SLC2A1: variants seen among roughly 807,000 people sequenced by gnomAD.
The protein encoded by SLC2A1 is solute carrier family 2 member 1, also known as solute carrier family 2, facilitated glucose transporter member 1.
SLC2A1 carries 4 observed loss-of-function variants against 46.6 expected under a neutral mutation model. The ratio of observed to expected loss-of-function variants is 0.09; its 90% confidence interval spans 0.04 to 0.20. The LOEUF is 0.20. Ranked by LOEUF, SLC2A1 falls within the 10% of genes least tolerant of loss-of-function variation. The pLI, the probability that SLC2A1 is intolerant of heterozygous loss-of-function variation, is 1.00. For synonymous variants in SLC2A1, 253 were observed against 270.0 expected (o/e 0.94, Z 0.62); for missense variants, 352 against 667.0 (o/e 0.53, Z 5.20).
chr1:42,938,799 G>A (rs1570598564), intron 2 of SLC2A1, among the ~76,000 whole-genome samples: 2 of 152,154 alleles, frequency 1.3e-5, no homozygotes, highest in East Asian at 1.9e-4. Flanking sequence ...CTTCAAGGTC[G>A]AGCATGGCTG....
intron 1 of SLC2A1, among the ~76,000 whole-genome samples, chr1:42,957,253 T>G (rs944329497): frequency 1.3e-5 from 2 of 152,208 alleles, no homozygotes; most frequent in African/African-American, 2.4e-5. Flanking sequence ...CCCTTACGGC[T>G]CACCTAAGAT....
chr1:42,926,953 C>A lies in SLC2A1; in HGVS notation c.*88G>T. On this transcript the variant is annotated 3_prime_UTR_variant, in exon 10 of 10. Coordinates refer to ENST00000426263, the MANE Select transcript of SLC2A1 (RefSeq NM_006516.4). Reference sequence around the variant, plus strand: ...CAGGCCCGGCTCGGCTGACATCTGTCAGGTTTGGAAGTCTCATCCAGCTGC... The same window carrying A: ...CAGGCCCGGCTCGGCTGACATCTGTAAGGTTTGGAAGTCTCATCCAGCTGC... 1.3e-6 allele frequency: 2 copies of A among 1,562,576 alleles called. No individual in the cohort carries two copies. The highest frequency in any genetic ancestry group is 1.7e-6 in the Non-Finnish European group (2 of 1,154,308).
chr1:42,931,413 C>T (rs1167714865), intron 2 of SLC2A1, among the ~76,000 whole-genome samples: 1 of 152,140 alleles, frequency 6.6e-6, no homozygotes, highest in Admixed American at 6.5e-5. Flanking sequence ...ATCTGAGAGC[C>T]CCGCCAACTC....
intron 1 of SLC2A1, among the ~76,000 whole-genome samples, chr1:42,948,329 C>A (rs1479140199): frequency 6.6e-6 from 1 of 152,194 alleles, no homozygotes; most frequent in African/African-American, 2.4e-5. Context: ...TGGCCTGCAG[C>A]AGGTTCTCAA....
At chr1:42,944,887 C>T (rs1365745272) in intron 1 of SLC2A1, among the ~76,000 whole-genome samples, 1 of 152,098 alleles carries the variant, frequency 6.6e-6, no homozygotes, top group Non-Finnish European at 1.5e-5. Flanking sequence ...AAGACAGCCC[C>T]CACCCCCCGT....
Position 42,930,594 on chromosome 1 carries a change from G to C in SLC2A1, c.516+32C>G. The C allele has an allele frequency of 1.2e-6, 2 of 1,611,798 alleles. No individual in the cohort carries two copies. Among genetic ancestry groups the C allele is most frequent in the Non-Finnish European group, 1.7e-6 (2 of 1,179,206 alleles). On this transcript the variant is annotated intron_variant, in intron 4 of 9. Transcript: ENST00000426263. This position sits in a 1 kb window ranked among gnomAD's most constrained non-coding sequence, Gnocchi z 6.2. ...GCCACTGAAGCTGTGGGCAGGGGCC[G>C]TGCCAGGCAGGTAGATCCTGCCCCA...
Position 42,930,179 on chromosome 1 carries a change from T to A in SLC2A1, c.517-144A>T. On this transcript the variant is annotated intron_variant, in intron 4 of 9. Transcript: ENST00000426263. This position sits in a 1 kb window ranked among gnomAD's most constrained non-coding sequence, Gnocchi z 6.2. ...GAGGCTCTGCCACTAGCATGAGCCC[T>A]GTTTCTCAGTTTCCTCATCGGTCAC... The A allele has an allele frequency of 1.1e-6, 1 of 889,464 alleles. No individual in the cohort carries two copies. Among genetic ancestry groups the A allele is most frequent in the Non-Finnish European group, 1.8e-6 (1 of 557,270 alleles). The allele number at this position is 889,464 out of a possible 1,614,324, so 55.1% of individuals were successfully genotyped here.
At chr1:42,948,222 G>A (rs943614218) in intron 1 of SLC2A1, among the ~76,000 whole-genome samples, 2 of 152,144 alleles carry the variant, frequency 1.3e-5, no homozygotes, top group East Asian at 1.9e-4. Flanking sequence ...CCCAACGCTC[G>A]GATGCCAGAT....
In SLC2A1 at chr1:42,930,622, T is replaced by C. The variant is rs1643478398; in HGVS notation, c.516+4A>G. 2 of 1,612,348 alleles carry C rather than the reference T, an allele frequency of 1.2e-6. No homozygotes were observed. Among genetic ancestry groups the C allele is most frequent in the Non-Finnish European group, 1.7e-6 (2 of 1,179,232 alleles). ...CCAGGCAGGTAGATCCTGCCCCAGC[T>C]TACCTGGGCGATGAGGATGCCGACG... On this transcript the variant is annotated splice_donor_region_variant and intron_variant, in intron 4 of 9. Coordinates refer to ENST00000426263, the MANE Select transcript of SLC2A1 (RefSeq NM_006516.4). This position sits in a 1 kb window ranked among gnomAD's most constrained non-coding sequence, Gnocchi z 6.2.
Position 42,926,625 on chromosome 1 carries a change from G to A in SLC2A1, c.*416C>T. ...TGGGATAGAAGCTTTGTAGTTCATAGTTCGATTAGTGTGTCCTTAGGACAT... is the reference window on the plus strand; with the variant it reads ...TGGGATAGAAGCTTTGTAGTTCATAATTCGATTAGTGTGTCCTTAGGACAT... On this transcript the variant is annotated 3_prime_UTR_variant, in exon 10 of 10. Transcript: ENST00000426263. The A allele has an allele frequency of 9.0e-7, 1 of 1,107,914 alleles. No homozygotes were observed. The highest frequency in any genetic ancestry group is 1.2e-6 in the Non-Finnish European group (1 of 835,052). The allele number at this position is 1,107,914 out of a possible 1,614,324, so 68.6% of individuals were successfully genotyped here.
At chr1:42,935,066 A>G (rs58593469) in intron 2 of SLC2A1, among the ~76,000 whole-genome samples, 5,722 of 151,936 alleles carry the variant, frequency 0.038, 256 homozygotes, top group African/African-American at 0.1. Context: ...CCAGCTGTGG[A>G]GTCTGGGTGG....
intron 2 of SLC2A1, among the ~76,000 whole-genome samples, chr1:42,941,826 C>T (rs1473884710): frequency 1.3e-5 from 2 of 152,244 alleles, no homozygotes; most frequent in Non-Finnish European, 2.9e-5. Flanking sequence ...GTCAAGAGCA[C>T]TTAGCAAATG....
At chr1:42,950,847 C>T (rs548056211) in intron 1 of SLC2A1, among the ~76,000 whole-genome samples, 6 of 152,030 alleles carry the variant, frequency 3.9e-5, no homozygotes, top group Non-Finnish European at 5.9e-5. Context: ...GGGGGGCGCG[C>T]GCCTGTAATC....
intron 1 of SLC2A1, among the ~76,000 whole-genome samples, chr1:42,950,212 C>G (rs1367603245): frequency 6.6e-6 from 1 of 152,216 alleles, no homozygotes; most frequent in Non-Finnish European, 1.5e-5. Context: ...TTTATTGGAA[C>G]ACAGCCACAC....
Position 42,928,922 on chromosome 1 carries a change from A to G in SLC2A1, c.1074+10T>C. 1.2e-6 allele frequency: 2 copies of G among 1,611,662 alleles called. No homozygotes were observed. The highest frequency in any genetic ancestry group is 1.3e-5 in the African/African-American group (1 of 75,018). On this transcript the variant is annotated intron_variant, in intron 8 of 9. Coordinates refer to ENST00000426263, the MANE Select transcript of SLC2A1 (RefSeq NM_006516.4). ...CCGCATCCCTCACTCTCCAGAACCT[A>G]GCAACTCACCAGCAGTGCTAGCGCG...
chr1:42,929,444 G>A lies in SLC2A1; in HGVS notation c.868-130C>T, dbSNP rs1164227405. 1 of 1,065,660 alleles carries A rather than the reference G, an allele frequency of 9.4e-7. No homozygotes were observed. The highest frequency in any genetic ancestry group is 1.9e-5 in the Admixed American group (1 of 51,452). The allele number at this position is 1,065,660 out of a possible 1,614,324, so 66.0% of individuals were successfully genotyped here. Reference sequence around the variant, plus strand: ...CAAATACTCAGGCAGAAGGGACACTGCACTGCAGTGACCTTACGGGCTTGG... The same window carrying A: ...CAAATACTCAGGCAGAAGGGACACTACACTGCAGTGACCTTACGGGCTTGG... On this transcript the variant is annotated intron_variant, in intron 6 of 9. Coordinates refer to ENST00000426263, the MANE Select transcript of SLC2A1 (RefSeq NM_006516.4). This position sits in a 1 kb window ranked among gnomAD's most constrained non-coding sequence, Gnocchi z 6.0.
intron 1 of SLC2A1, among the ~76,000 whole-genome samples, chr1:42,957,787 T>TC (rs1165230326): frequency 1.3e-5 from 2 of 152,048 alleles, no homozygotes; most frequent in Non-Finnish European, 2.9e-5. Context: ...CATCCCTCAT[T>TC]CCCCAACCCC....
chr1:42,942,016 G>GCTAA (rs1405729138), intron 2 of SLC2A1, among the ~76,000 whole-genome samples: 1 of 152,254 alleles, frequency 6.6e-6, no homozygotes, highest in East Asian at 1.9e-4. Context: ...AAGAAGCCCA[G>GCTAA]CTAACTCTAG....
chr1:42,932,560 C>T (rs1345315687), intron 2 of SLC2A1, among the ~76,000 whole-genome samples: 2 of 152,196 alleles, frequency 1.3e-5, no homozygotes, highest in African/African-American at 4.8e-5. Context: ...TGAACCCAAC[C>T]CATCCCAACA....
Sources: gnomAD v4.1 joint callset for allele counts (sites outside exome capture counted in the v4.1 genomes callset) on GRCh38, gnomAD v4.1.1 for gene constraint, Gnocchi (gnomAD v3.1) non-coding constraint, MANE v1.5 for transcripts, NCBI Gene and HGNC (gene_info 2026-07-23, HGNC 2026-07-21) for gene names.